The following DNAI3 variants were observed in gnomAD, a reference collection of about 807,000 sequenced individuals.
DNAI3 encodes the protein dynein axonemal intermediate chain 3, also known as WD repeat domain 63.
A neutral mutation model predicts 115.5 loss-of-function variants in DNAI3; 83 were observed. That is an observed-to-expected ratio of 0.72 (90% CI 0.60 to 0.86). The LOEUF is 0.86. DNAI3 is among the 40% of genes least tolerant of loss of function. The pLI is 0.00. For synonymous variants in DNAI3, 320 were observed against 347.0 expected, an observed-to-expected ratio of 0.92 and a Z score of 0.86; for missense variants, 1,004 against 1,075.8, an observed-to-expected ratio of 0.93 and a Z score of 0.93.
At chr1:85,108,508 G>A (rs1434554583) in intron 15 of DNAI3, among the ~76,000 whole-genome samples, 1 of 152,152 alleles carries the variant, frequency 6.6e-6, no homozygotes, top group Non-Finnish European at 1.5e-5. Flanking sequence ...TGTAGCTGAT[G>A]TTTGCAATAT....
intron 14 of DNAI3, 87 bp from the exon 15 acceptor site, chr1:85,107,946 A>G: frequency 1.0e-6 from 1 of 960,162 alleles, no homozygotes; most frequent in African/African-American, 1.7e-5. Flanking sequence ...CATGGTCACA[A>G]TGCTAATATG....
intron 16 of DNAI3, among the ~76,000 whole-genome samples, chr1:85,111,521 C>T (rs921296868): frequency 6.6e-6 from 1 of 152,122 alleles, no homozygotes; most frequent in African/African-American, 2.4e-5. Context: ...CCCAGGGGTA[C>T]GATGGTGAGC....
chr1:85,106,494 G>A (rs1318811855), intron 14 of DNAI3, among the ~76,000 whole-genome samples: 1 of 152,096 alleles, frequency 6.6e-6, no homozygotes, highest in Non-Finnish European at 1.5e-5. Context: ...ATACACAAAT[G>A]GTCAATAAGC....
At chr1:85,104,659 T>C in intron 14 of DNAI3, 62 bp downstream of exon 14, 1 of 1,366,970 alleles carries the variant, frequency 7.3e-7, no homozygotes, top group East Asian at 2.3e-5. Context: ...TCTTCGATGC[T>C]CCTAAAATCA....
chr1:85,125,387 A>G (rs1326535170), intron 19 of DNAI3, among the ~76,000 whole-genome samples: 1 of 152,088 alleles, frequency 6.6e-6, no homozygotes, highest in East Asian at 1.9e-4. Context: ...AAATGTATAT[A>G]TATTTAACCT....
intron 1 of DNAI3, among the ~76,000 whole-genome samples, chr1:85,069,421 GAGCT>G (rs1452568117): frequency 6.6e-6 from 1 of 152,102 alleles, no homozygotes; most frequent in Non-Finnish European, 1.5e-5. Context: ...CCTAGAATGT[GAGCT>G]TGCACAAGGG....
chr1:85,072,506 G>A (rs1431194621), intron 2 of DNAI3, among the ~76,000 whole-genome samples: 1 of 151,624 alleles, frequency 6.6e-6, no homozygotes, highest in East Asian at 1.9e-4. Flanking sequence ...GCCAGGCGTG[G>A]TGGCACGCGC....
At chr1:85,113,810 A>C (rs1416705686) in intron 16 of DNAI3, among the ~76,000 whole-genome samples, 1 of 152,198 alleles carries the variant, frequency 6.6e-6, no homozygotes, top group Non-Finnish European at 1.5e-5. Flanking sequence ...TGAGTCTTCT[A>C]ACCCATAAAC....
chr1:85,082,277 C>T lies in DNAI3; in HGVS notation c.286-23C>T. 7.6e-6 allele frequency: 12 copies of T among 1,571,946 alleles called. 1 individual carries two copies. The South Asian group carries it at 8.0e-5, about 10-fold the overall frequency. On this transcript the variant is annotated intron_variant, in intron 4 of 22. Coordinates refer to ENST00000294664, the MANE Select transcript of DNAI3 (RefSeq NM_145172.5). ...TGAATGACCATTGAACATTAACTTC[C>T]TATCTCAATTATATTCTTGTAGGAA...
At chr1:85,110,437 C>A (rs549714926) in intron 16 of DNAI3, among the ~76,000 whole-genome samples, 1 of 87,028 alleles carries the variant, frequency 1.1e-5, no homozygotes, top group Admixed American at 1.2e-4. Flanking sequence ...GGCAACAGAG[C>A]GAGACTCCAT....
chr1:85,094,649 A>C, intron 10 of DNAI3, 94 bp downstream of exon 10: 1 of 1,421,620 alleles, frequency 7.0e-7, no homozygotes, highest in Non-Finnish European at 9.5e-7. Context: ...CTTTATAATC[A>C]TGTAATGTTG....
At chr1:85,108,872 C>G (rs1655573990) in intron 15 of DNAI3, among the ~76,000 whole-genome samples, 1 of 152,210 alleles carries the variant, frequency 6.6e-6, no homozygotes, top group Non-Finnish European at 1.5e-5. Context: ...AAACAAGCCA[C>G]AATTTCCAAA....
intron 6 of DNAI3, 125 bp from the exon 7 acceptor site, chr1:85,085,706 A>G (rs575035895): frequency 4.9e-5 from 37 of 748,694 alleles, no homozygotes; most frequent in East Asian, 4.3e-4. Flanking sequence ...AATGGAAAGC[A>G]TGCAGAGCTG....
chr1:85,129,207 A>G (rs1039318448), intron 21 of DNAI3, among the ~76,000 whole-genome samples: 1 of 151,804 alleles, frequency 6.6e-6, no homozygotes, highest in Non-Finnish European at 1.5e-5. Flanking sequence ...AGCAGGCAGC[A>G]CAGCTGAACT....
intron 16 of DNAI3, among the ~76,000 whole-genome samples, chr1:85,115,543 G>C (rs923700504): frequency 6.6e-6 from 1 of 152,158 alleles, no homozygotes. Context: ...GGATGATTTT[G>C]AATCTAAGTA....
At chr1:85,105,574 T>C (rs887545336) in intron 14 of DNAI3, among the ~76,000 whole-genome samples, 1 of 147,698 alleles carries the variant, frequency 6.8e-6, no homozygotes, top group African/African-American at 2.5e-5. Flanking sequence ...AAAGAAAATA[T>C]GAGGCTCTGA....
chr1:85,096,705 G>T (rs12074402), intron 11 of DNAI3, among the ~76,000 whole-genome samples: 1 of 151,898 alleles, frequency 6.6e-6, no homozygotes, highest in Non-Finnish European at 1.5e-5. Context: ...CCATCAAAAG[G>T]GTATATGATT....
At chr1:85,063,747 G>A (rs535782565) in intron 1 of DNAI3, among the ~76,000 whole-genome samples, 2 of 152,358 alleles carry the variant, frequency 1.3e-5, no homozygotes, top group South Asian at 2.1e-4. Flanking sequence ...GAGCTCTGAG[G>A]TTGGCCTCTT....
intron 16 of DNAI3, among the ~76,000 whole-genome samples, chr1:85,113,500 A>C (rs1655718306): frequency 6.6e-6 from 1 of 152,242 alleles, no homozygotes; most frequent in South Asian, 2.1e-4. Flanking sequence ...ACCTTTGTCA[A>C]AAAACACTTG....
Sources: gnomAD v4.1 joint callset for allele counts (sites outside exome capture counted in the v4.1 genomes callset) on GRCh38, gnomAD v4.1.1 for gene constraint, MANE v1.5 for transcripts, NCBI Gene and HGNC (gene_info 2026-07-23, HGNC 2026-07-21) for gene names.